BLOC1S5: variants seen among roughly 807,000 people sequenced by gnomAD.
The protein encoded by BLOC1S5 is biogenesis of lysosomal organelles complex 1 subunit 5.
A neutral mutation model predicts 24.3 loss-of-function variants in BLOC1S5; 27 were observed. The ratio of observed to expected loss-of-function variants is 1.11; its 90% CI spans 0.82 to 1.53. The LOEUF (loss-of-function observed/expected upper bound fraction) is 1.53, where lower values mean the gene tolerates loss of function less well. BLOC1S5 is among the 40% of genes most tolerant of loss of function. The probability of loss-of-function intolerance (pLI) is 0.00; values close to 1 mark genes in which losing one functional copy is unlikely to be tolerated. For synonymous variants in BLOC1S5, 84 were observed against 74.5 expected (o/e 1.13, Z -0.66); for missense variants, 239 against 229.4 (o/e 1.04, Z -0.27).
chr6:8,046,565 T>TA (rs1350614227), intron 2 of BLOC1S5, among the ~76,000 whole-genome samples: 3 of 152,176 alleles, frequency 2.0e-5, no homozygotes, highest in Admixed American at 2.0e-4. Flanking sequence ...AATTTTCCCA[T>TA]AATAAAATAT....
chr6:8,049,303 GGAGGCTGCAGT>G (rs889287679), intron 2 of BLOC1S5, among the ~76,000 whole-genome samples: 5 of 151,758 alleles, frequency 3.3e-5, no homozygotes, highest in Admixed American at 3.3e-4. Flanking sequence ...CTTGGGAGAT[GGAGGCTGCAGT>G]GAGCCGCGAT....
chr6:8,019,422 C>T (rs929564748), intron 4 of BLOC1S5, among the ~76,000 whole-genome samples: 8 of 152,090 alleles, frequency 5.3e-5, no homozygotes, highest in Non-Finnish European at 5.9e-5. Context: ...GCAACCACCA[C>T]CACACCTGGA....
rs551181659 is a variant in BLOC1S5, at chr6:8,049,797, C to T, written c.196-8529G>A. On this transcript the variant is annotated intron_variant, in intron 2 of 4. Transcript: ENST00000397457. ...TGTGATTCTGGCTCATTGCAACCTC[C>T]GCTTCCTGGGCTCAAGCGATCCTCC... Among the ~76,000 whole-genome samples the T allele has an allele frequency of 7.9e-5, 12 of 152,098 alleles. No individual in the cohort carries two copies. In the South Asian group the frequency reaches 1.2e-3, roughly 16 times the overall value.
chr6:8,064,378 C>CCG lies in BLOC1S5; in HGVS notation c.-4_-3dup. ...GGTCTCTGTCCCTCCGCCACTCATC[C>CCG]CGACCAGTTCCGCCCACCCGCGGCC... On this transcript the variant is annotated 5_prime_UTR_variant, in exon 1 of 5. Coordinates refer to ENST00000397457, the MANE Select transcript of BLOC1S5 (RefSeq NM_201280.3). 6.2e-7 allele frequency: 1 copy of CCG among 1,607,260 alleles called. No homozygotes were observed. The highest frequency in any genetic ancestry group is 1.1e-5 in the South Asian group (1 of 90,896).
intron 2 of BLOC1S5, among the ~76,000 whole-genome samples, chr6:8,045,186 A>C (rs928585861): frequency 6.6e-6 from 1 of 152,206 alleles, no homozygotes; most frequent in African/African-American, 2.4e-5. Flanking sequence ...AGTGGCTGAA[A>C]GGGGCCGACA....
At chr6:8,058,431 G>A (rs1238432372) in intron 2 of BLOC1S5, among the ~76,000 whole-genome samples, 1 of 147,014 alleles carries the variant, frequency 6.8e-6, no homozygotes, top group African/African-American at 2.5e-5. Flanking sequence ...AATCAAGAGA[G>A]AGTAGTGGAA....
chr6:8,050,601 C>CT (rs35623258), intron 2 of BLOC1S5, among the ~76,000 whole-genome samples: 59,754 of 137,748 alleles, frequency 0.43, 12,349 homozygotes, highest in South Asian at 0.56. Context: ...GGAAAAGAAA[C>CT]TTTTTTTTTT....
chr6:8,021,523 T>C (rs1288952243), intron 4 of BLOC1S5, among the ~76,000 whole-genome samples: 1 of 152,016 alleles, frequency 6.6e-6, no homozygotes, highest in Non-Finnish European at 1.5e-5. Flanking sequence ...CCCTTGAACC[T>C]GGGAGGCAGA....
intron 3 of BLOC1S5, among the ~76,000 whole-genome samples, chr6:8,033,735 A>C (rs1763383806): frequency 6.6e-6 from 1 of 152,242 alleles, no homozygotes; most frequent in Non-Finnish European, 1.5e-5. Context: ...CCCATCTGAC[A>C]AAAGGCTAAT....
chr6:8,031,475 G>A (rs1418353270), intron 3 of BLOC1S5, among the ~76,000 whole-genome samples: 4 of 152,040 alleles, frequency 2.6e-5, no homozygotes, highest in Non-Finnish European at 5.9e-5. Flanking sequence ...AATCACAGAC[G>A]ACACATATGG....
intron 2 of BLOC1S5, 100 bp downstream of exon 2, chr6:8,062,434 T>C: frequency 1.4e-6 from 1 of 731,552 alleles, no homozygotes; most frequent in Non-Finnish European, 2.2e-6. Context: ...TATGAACACA[T>C]GAACTAAAAT....
chr6:8,041,061 C>A (rs1369266835), intron 3 of BLOC1S5, 78 bp downstream of exon 3: 5 of 1,475,714 alleles, frequency 3.4e-6, no homozygotes, highest in Middle Eastern at 1.8e-4. Flanking sequence ...CACCTCCCCC[C>A]ATAATACCCA....
rs574720557 is a variant in BLOC1S5 at position 8,044,263 on chromosome 6, G to A, written c.196-2995C>T. The stretch of plus-strand genomic sequence containing the variant: ...TGTGCCACTGCTCTCCAGCCTGGGC[G>A]ACAGAGCAAGACTCTGTCTCAAAAA... On this transcript the variant is annotated intron_variant, in intron 2 of 4. Coordinates refer to ENST00000397457, the MANE Select transcript of BLOC1S5 (RefSeq NM_201280.3). Among the ~76,000 whole-genome samples, 12 of 118,058 alleles carry A rather than the reference G, an allele frequency of 1.0e-4. No homozygotes were observed. In the East Asian group the frequency reaches 1.1e-3, roughly 11 times the overall value. The allele number at this position is 118,058 out of a possible 152,430, so 77.5% of individuals were successfully genotyped here. A position where few individuals can be genotyped will look rare whatever the true frequency, so the allele number is the denominator to read the frequency against.
intron 2 of BLOC1S5, among the ~76,000 whole-genome samples, chr6:8,042,408 C>T (rs1360422561): frequency 6.6e-6 from 1 of 152,206 alleles, no homozygotes; most frequent in Non-Finnish European, 1.5e-5. Context: ...AAGGCCTCCT[C>T]ATAAGGTTGG....
intron 3 of BLOC1S5, chr6:8,027,328 T>A: frequency 4.4e-6 from 2 of 456,550 alleles, no homozygotes; most frequent in South Asian, 3.1e-5. Context: ...GACAAATGTT[T>A]ACTGAGCATG....
chr6:8,048,773 G>A (rs1469176297), intron 2 of BLOC1S5, among the ~76,000 whole-genome samples: 3 of 152,182 alleles, frequency 2.0e-5, no homozygotes, highest in African/African-American at 7.2e-5. Context: ...AGCACTTTGG[G>A]AGGCTGAGGT....
At chr6:8,023,886 C>T (rs908069273) in intron 4 of BLOC1S5, among the ~76,000 whole-genome samples, 1 of 151,842 alleles carries the variant, frequency 6.6e-6, no homozygotes, top group Non-Finnish European at 1.5e-5. Flanking sequence ...AAACCTCTGC[C>T]ATGTCACAGA....
intron 2 of BLOC1S5, among the ~76,000 whole-genome samples, chr6:8,043,083 T>C (rs9505343): frequency 0.19 from 28,492 of 152,122 alleles, 2,968 homozygotes; most frequent in African/African-American, 0.26. Context: ...GCCACAAGTA[T>C]GGCCATATAC....
In BLOC1S5 at chr6:8,015,177, T is replaced by A. The variant is rs970350291; in HGVS notation, c.*472A>T. On this transcript the variant is annotated 3_prime_UTR_variant, in exon 5 of 5. Transcript: ENST00000397457. ...TCTGCTCCAAGGACAGCTGGCTTTT[T>A]TTTTTGTCTACATTACTCATGCAGT... 6.6e-6 allele frequency: 1 copy of A among 152,490 alleles called. No homozygotes were observed. The highest frequency in any genetic ancestry group is 1.5e-5 in the Non-Finnish European group (1 of 68,252). The allele number at this position is 152,490 out of a possible 1,614,324, so 9.4% of individuals were successfully genotyped here.
Sources: allele counts gnomAD v4.1 joint callset (sites outside exome capture counted in the v4.1 genomes callset), GRCh38; gene constraint gnomAD v4.1.1; transcripts MANE v1.5; gene names NCBI Gene and HGNC (gene_info 2026-07-23, HGNC 2026-07-21).